DOCK11: variants seen among roughly 807,000 people sequenced by gnomAD.
The protein encoded by DOCK11 is dedicator of cytokinesis 11.
A neutral mutation model predicts 169.1 loss-of-function variants in DOCK11; 70 were observed. That is an observed-to-expected ratio of 0.41 (90% CI 0.34 to 0.51). DOCK11 has a LOEUF of 0.51. Ranked by LOEUF, DOCK11 falls within the 20% of genes least tolerant of loss-of-function variation. The pLI, the probability that DOCK11 is intolerant of heterozygous loss-of-function variation, is 0.10. For synonymous variants in DOCK11, 529 were observed against 541.3 expected (o/e 0.98, Z 0.32); for missense variants, 1,166 against 1,538.8 (o/e 0.76, Z 4.05).
Position 118,599,116 on chromosome X carries a change from G to A in DOCK11, c.2473-23G>A, listed in dbSNP as rs765178514. ...GAGGATAATGAATCAAATTTCATAT[G>A]GCTGTTTCCATCTGTGTTCCAGGAT... is the stretch of plus-strand genomic sequence containing the variant. On this transcript the variant is annotated intron_variant, in intron 22 of 52. Coordinates refer to ENST00000276202, the MANE Select transcript of DOCK11 (RefSeq NM_144658.4). 13 of 1,161,770 alleles carry A rather than the reference G, an allele frequency of 1.1e-5. No homozygotes were observed. In the South Asian group the frequency reaches 2.2e-4, roughly 20 times the overall value.
At chrX:118,551,855 C>T (rs1200405697) in intron 6 of DOCK11, among the ~76,000 whole-genome samples, 1 of 110,788 alleles carries the variant, frequency 9.0e-6, no homozygotes, top group East Asian at 2.8e-4. Flanking sequence ...AGCAACATGA[C>T]GAAACCTCGC....
intron 39 of DOCK11, among the ~76,000 whole-genome samples, chrX:118,641,716 G>GT (rs890540622): frequency 1.8e-5 from 2 of 111,081 alleles, no homozygotes; most frequent in Admixed American, 9.7e-5. Flanking sequence ...CGCACTTAGT[G>GT]TTTTTTCTCA....
At chrX:118,646,076 A>C (rs907092467) in intron 40 of DOCK11, among the ~76,000 whole-genome samples, 4 of 93,438 alleles carry the variant, frequency 4.3e-5, no homozygotes, top group Admixed American at 2.2e-4. Flanking sequence ...AAAAAAAAAA[A>C]CACAACAACA....
intron 44 of DOCK11, among the ~76,000 whole-genome samples, chrX:118,657,549 C>T (rs980878687): frequency 1.1e-4 from 12 of 111,789 alleles, no homozygotes; most frequent in Non-Finnish European, 2.3e-4. Context: ...ATTAGAAAAC[C>T]TTATTCTAAA....
At chrX:118,602,019 A>G in intron 23 of DOCK11, among the ~76,000 whole-genome samples, 1 of 92,590 alleles carries the variant, frequency 1.1e-5, no homozygotes, top group Middle Eastern at 6.5e-3. Flanking sequence ...TGAACTCCTC[A>G]CCTCAGGTGA....
chrX:118,604,313 TAC>T (rs1180788038), intron 23 of DOCK11, among the ~76,000 whole-genome samples: 1 of 111,351 alleles, frequency 9.0e-6, no homozygotes, highest in Non-Finnish European at 1.9e-5. Context: ...AGAGAAATTG[TAC>T]AGAGACCTGC....
rs1281383051 is a variant in DOCK11, at chrX:118,578,609, T to A, written c.1474T>A (p.Cys492Ser). The part of the protein sequence containing the change: ...EKVLQGNITH[C>S]AEPYIKNSDP... ...GGTACTACAGGGAAACATTACACAC[T>A]GTGCAGAACCCTATATCAAAAATTC... The change falls in exon 13 of 53, where the codon TGT (cysteine) becomes AGT (serine). Residue 492 changes from cysteine (C) to serine (S), a missense_variant. Coordinates refer to ENST00000276202, the MANE Select transcript of DOCK11 (RefSeq NM_144658.4). 7.5e-6 allele frequency: 9 copies of A among 1,206,378 alleles called. No individual in the cohort carries two copies. The highest frequency in any genetic ancestry group is 9.0e-6 in the Non-Finnish European group (8 of 891,987).
intron 46 of DOCK11, among the ~76,000 whole-genome samples, chrX:118,672,584 C>T (rs756131022): frequency 8.9e-6 from 1 of 112,367 alleles, no homozygotes; most frequent in East Asian, 2.8e-4. Context: ...AGGCGCCCGC[C>T]ACCGCGCCCG....
At chrX:118,568,982 G>T (rs188473368) in intron 10 of DOCK11, among the ~76,000 whole-genome samples, 4 of 108,655 alleles carry the variant, frequency 3.7e-5, no homozygotes, top group Non-Finnish European at 7.6e-5. Context: ...GTGCATTACA[G>T]TTTTTTCTTC....
At chrX:118,682,117 C>T (rs1407024274) in intron 51 of DOCK11, among the ~76,000 whole-genome samples, 2 of 110,872 alleles carry the variant, frequency 1.8e-5, no homozygotes, top group East Asian at 5.7e-4. Context: ...CCTCCTGTTA[C>T]AGCATTTCAG....
At chrX:118,520,063 C>CT (rs1337115084) in intron 1 of DOCK11, among the ~76,000 whole-genome samples, 2 of 112,017 alleles carry the variant, frequency 1.8e-5, no homozygotes, top group East Asian at 5.6e-4. Context: ...TCCTCAGTCT[C>CT]TAAGAGAACA....
chrX:118,620,584 C>G (rs2014947502), intron 31 of DOCK11, among the ~76,000 whole-genome samples: 1 of 112,231 alleles, frequency 8.9e-6, no homozygotes, highest in Admixed American at 9.5e-5. Flanking sequence ...TATAACATAC[C>G]TCCACTTAGT....
chrX:118,685,096 A>C (rs1300957987), intron 52 of DOCK11, among the ~76,000 whole-genome samples: 1 of 112,279 alleles, frequency 8.9e-6, no homozygotes, highest in Non-Finnish European at 1.9e-5. Flanking sequence ...AACTAATACG[A>C]ATATCTATGT....
Position 118,524,089 on chromosome X carries a change from C to T in DOCK11, c.103-18636C>T, listed in dbSNP as rs575537252. Among the ~76,000 whole-genome samples, 47 of 112,103 alleles carry T rather than the reference C, an allele frequency of 4.2e-4. No homozygotes were observed. In the South Asian group the frequency reaches 0.011, roughly 26 times the overall value. On this transcript the variant is annotated intron_variant, in intron 1 of 52. Transcript: ENST00000276202. ...CTGTAAGATCTATGTCCTCCCCACCCTGCCTGTTTGCCCTTGCTGGGCTCA... is the reference window on the plus strand; with the variant it reads ...CTGTAAGATCTATGTCCTCCCCACCTTGCCTGTTTGCCCTTGCTGGGCTCA...
At position 118,605,343 on chromosome X, in the gene DOCK11, A is replaced by G. The variant is rs2014468646; in HGVS notation, c.2668A>G (p.Ile890Val). The G allele has an allele frequency of 8.5e-7, 1 of 1,170,849 alleles. No homozygotes were observed. The change falls in exon 24 of 53, where the codon ATC (isoleucine) becomes GTC (valine). Residue 890 changes from isoleucine to valine, a missense_variant. Physicochemically the swap from Ile to Val is conservative, Grantham distance 29. Coordinates refer to ENST00000276202, the MANE Select transcript of DOCK11 (RefSeq NM_144658.4). ...TATGACCCATGAAGATGACGTTCCT[A>G]TCAACTGCACCATGTGAGTTTTGGT... ...TNMTHEDDVP[I>V]NCTMVLLHIV...
intron 44 of DOCK11, among the ~76,000 whole-genome samples, chrX:118,661,443 C>T: frequency 9.0e-6 from 1 of 110,822 alleles, no homozygotes; most frequent in Middle Eastern, 4.6e-3. Context: ...TGAGAAATCT[C>T]TTCAACATGA....
chrX:118,643,015 T>A (rs1235448550), intron 39 of DOCK11, among the ~76,000 whole-genome samples: 4 of 112,219 alleles, frequency 3.6e-5, no homozygotes, highest in Non-Finnish European at 7.5e-5. Flanking sequence ...ATACTAAACA[T>A]ACTTTTAAAG....
chrX:118,606,646 T>A (rs922815287), intron 24 of DOCK11, among the ~76,000 whole-genome samples: 1 of 112,213 alleles, frequency 8.9e-6, no homozygotes, highest in Non-Finnish European at 1.9e-5. Context: ...TGCCACAACC[T>A]CTTCCAGCAG....
chrX:118,584,268 A>C (rs1478646932), intron 14 of DOCK11, among the ~76,000 whole-genome samples: 2 of 110,652 alleles, frequency 1.8e-5, no homozygotes, highest in Non-Finnish European at 3.8e-5. Flanking sequence ...GATGACTTTT[A>C]ATCTCTTTTG....
Sources: allele counts gnomAD v4.1 joint callset (sites outside exome capture counted in the v4.1 genomes callset), GRCh38; gene constraint gnomAD v4.1.1; transcripts MANE v1.5; gene names NCBI Gene and HGNC (gene_info 2026-07-23, HGNC 2026-07-21).